CNTNAP2: variants seen among roughly 807,000 people sequenced by gnomAD.
CNTNAP2 encodes contactin-associated protein-like 2.
CNTNAP2 carries 98 observed loss-of-function variants against 155.2 expected under a neutral mutation model. The observed-to-expected ratio is 0.63, with a 90% confidence interval of 0.54 to 0.75. The LOEUF is 0.75. Among genes scored for constraint, CNTNAP2 ranks in the 30% least tolerant of loss-of-function variants. CNTNAP2 has a pLI of 0.00. For missense variants in CNTNAP2, 1,727 were observed against 1,688.1 expected (o/e 1.02, Z -0.40); for synonymous variants, 651 against 631.2 (o/e 1.03, Z -0.47).
At chr7:147,970,356 A>T (rs1801312334) in intron 14 of CNTNAP2, among the ~76,000 whole-genome samples, 4 of 152,316 alleles carry the variant, frequency 2.6e-5, no homozygotes, top group Middle Eastern at 3.4e-3. Flanking sequence ...TTACCTTTTG[A>T]CCTACTTTTT....
chr7:148,162,145 G>C (rs1023644659), intron 17 of CNTNAP2, among the ~76,000 whole-genome samples: 2 of 152,160 alleles, frequency 1.3e-5, no homozygotes, highest in African/African-American at 4.8e-5. Context: ...GACTTTAAAA[G>C]ACAGATGGAA....
intron 1 of CNTNAP2, among the ~76,000 whole-genome samples, chr7:146,505,241 C>T (rs190314567): frequency 1.6e-4 from 24 of 152,152 alleles, no homozygotes; most frequent in African/African-American, 4.3e-4. Context: ...GCAGATCCAA[C>T]GGTTGGACAC....
At position 147,942,879 on chromosome 7, in the gene CNTNAP2, T is replaced by TA. The variant is rs536389231; in HGVS notation, c.2256-34976dup. Among the ~76,000 whole-genome samples, 189 of 151,926 alleles carry TA rather than the reference T, an allele frequency of 1.2e-3. 1 individual carries two copies. Among genetic ancestry groups the TA allele is most frequent in the African/African-American group, 4.5e-3 (185 of 41,432 alleles). On this transcript the variant is annotated intron_variant, in intron 14 of 23. Coordinates refer to ENST00000361727, the MANE Select transcript of CNTNAP2 (RefSeq NM_014141.6). ...GGTGAAACCCCATTTCTACTAAAAA[T>TA]AAAAAAACTTATCTGGGTGTGGTGG...
At chr7:147,735,740 T>C (rs113216369) in intron 13 of CNTNAP2, among the ~76,000 whole-genome samples, 2 of 152,148 alleles carry the variant, frequency 1.3e-5, no homozygotes, top group Non-Finnish European at 1.5e-5. Context: ...AGATAGTTAG[T>C]TCTTCTTGTT....
chr7:148,284,764 C>A (rs1028247008), intron 21 of CNTNAP2, among the ~76,000 whole-genome samples: 2 of 152,072 alleles, frequency 1.3e-5, no homozygotes, highest in Admixed American at 1.3e-4. Flanking sequence ...TGCTAACGAC[C>A]TGGAATTTAA....
At chr7:147,349,285 T>A (rs73740608) in intron 9 of CNTNAP2, among the ~76,000 whole-genome samples, 3,058 of 151,930 alleles carry the variant, frequency 0.02, 104 homozygotes, top group African/African-American at 0.07. Flanking sequence ...AGTAAAATTT[T>A]AAAAAAATCA....
intron 1 of CNTNAP2, among the ~76,000 whole-genome samples, chr7:146,133,634 C>G (rs1319960602): frequency 2.0e-5 from 3 of 152,062 alleles, no homozygotes; most frequent in Non-Finnish European, 4.4e-5. Context: ...CTACATATGG[C>G]TAGCCAGTTT....
chr7:147,697,566 C>T lies in CNTNAP2; in HGVS notation c.2098+58260C>T, dbSNP rs531919555. ...TTTTGCCTTTATTAATATAGTGATA[C>T]GTTGTGGGGGAGCGGGGAAGCATTC... On this transcript the variant is annotated intron_variant, in intron 13 of 23. Coordinates refer to ENST00000361727, the MANE Select transcript of CNTNAP2 (RefSeq NM_014141.6). 4.6e-5 allele frequency among the ~76,000 whole-genome samples: 7 copies of T among 152,086 alleles called. No homozygotes were observed. The East Asian group carries it at 9.7e-4, about 21-fold the overall frequency.
At chr7:147,105,409 G>T (rs921864749) in intron 4 of CNTNAP2, among the ~76,000 whole-genome samples, 2 of 151,818 alleles carry the variant, frequency 1.3e-5, no homozygotes, top group African/African-American at 4.8e-5. Context: ...TTTAATCACC[G>T]CATCGAAAAC....
intron 13 of CNTNAP2, among the ~76,000 whole-genome samples, chr7:147,813,903 T>A (rs1172760563): frequency 6.6e-6 from 1 of 152,158 alleles, no homozygotes; most frequent in South Asian, 2.1e-4. Flanking sequence ...ATAGTTCCTT[T>A]GTGATGTAAA....
intron 3 of CNTNAP2, among the ~76,000 whole-genome samples, chr7:146,969,423 C>T (rs1213285086): frequency 6.6e-6 from 1 of 151,904 alleles, no homozygotes; most frequent in Non-Finnish European, 1.5e-5. Context: ...TTAAAGTCTC[C>T]CATTATTATT....
chr7:147,754,471 A>T (rs917468795), intron 13 of CNTNAP2, among the ~76,000 whole-genome samples: 10 of 152,254 alleles, frequency 6.6e-5, no homozygotes, highest in Admixed American at 2.0e-4. Context: ...AAATTTTTAA[A>T]AACAAATTAA....
intron 1 of CNTNAP2, among the ~76,000 whole-genome samples, chr7:146,555,699 G>A (rs566003374): frequency 8.5e-5 from 13 of 152,252 alleles, no homozygotes; most frequent in Admixed American, 2.6e-4. Flanking sequence ...TCCAAAAAAC[G>A]TGTTTGGGTG....
intron 10 of CNTNAP2, among the ~76,000 whole-genome samples, chr7:147,398,626 G>A (rs865776135): frequency 1.6e-4 from 13 of 82,508 alleles, no homozygotes; most frequent in Admixed American, 3.2e-4. Flanking sequence ...GTGTAGATTT[G>A]CATGTGGCTT....
chr7:147,918,919 C>T (rs536228231), intron 14 of CNTNAP2, among the ~76,000 whole-genome samples: 5 of 152,154 alleles, frequency 3.3e-5, no homozygotes, highest in African/African-American at 9.7e-5. Flanking sequence ...GCAGAAGGGA[C>T]TTTGCAGATG....
intron 1 of CNTNAP2, among the ~76,000 whole-genome samples, chr7:146,683,904 C>G (rs1211964198): frequency 6.6e-6 from 1 of 151,836 alleles, no homozygotes; most frequent in African/African-American, 2.4e-5. Flanking sequence ...GACACTTTGA[C>G]GATTTGTGAG....
At chr7:147,687,628 A>G (rs1045744740) in intron 13 of CNTNAP2, among the ~76,000 whole-genome samples, 3 of 152,106 alleles carry the variant, frequency 2.0e-5, no homozygotes, top group Non-Finnish European at 4.4e-5. Flanking sequence ...ATATTTGACC[A>G]TGGGTAGGAG....
chr7:146,460,695 T>C (rs1796623543), intron 1 of CNTNAP2, among the ~76,000 whole-genome samples: 1 of 152,134 alleles, frequency 6.6e-6, no homozygotes, highest in African/African-American at 2.4e-5. Flanking sequence ...ACTGGGAGGA[T>C]ATTATGCTAA....
At chr7:148,310,930 G>A (rs569245144) in intron 21 of CNTNAP2, among the ~76,000 whole-genome samples, 5 of 152,204 alleles carry the variant, frequency 3.3e-5, no homozygotes, top group Non-Finnish European at 5.9e-5. Context: ...TGTTATTTTC[G>A]GGGCTGGGTA....
Sources: allele counts gnomAD v4.1 joint callset (sites outside exome capture counted in the v4.1 genomes callset), GRCh38; gene constraint gnomAD v4.1.1; transcripts MANE v1.5; gene names NCBI Gene and HGNC (gene_info 2026-07-23, HGNC 2026-07-21).